The following KLF6 variants were observed in gnomAD, a reference collection of about 807,000 sequenced individuals.
KLF6 encodes the protein KLF transcription factor 6, also known as Krueppel-like factor 6.
For missense variants in KLF6, 233 were observed against 359.8 expected (o/e 0.65, Z 2.85); for synonymous variants, 152 against 147.9 (o/e 1.03, Z -0.20).
intron 1 of KLF6, 43 bp downstream of exon 1, chr10:3,784,870 C>G (rs1832614636): frequency 2.5e-6 from 4 of 1,576,178 alleles, no homozygotes; most frequent in Admixed American, 1.8e-5. Context: ...CGACCCGGCC[C>G]GCGCCCCGGC....
In KLF6 at chr10:3,778,170, AT is replaced by A. The variant is rs1004233866; in HGVS notation, c.*1368del. 2 of 521,650 alleles carry A rather than the reference AT, an allele frequency of 3.8e-6. No homozygotes were observed. Among genetic ancestry groups the A allele is most frequent in the South Asian group, 1.5e-5 (1 of 65,072 alleles). The allele number at this position is 521,650 out of a possible 1,614,324, so 32.3% of individuals were successfully genotyped here. A position where few individuals can be genotyped will look rare whatever the true frequency, so the allele number is the denominator to read the frequency against. On this transcript the variant is annotated 3_prime_UTR_variant, in exon 4 of 4. Transcript: ENST00000497571. ...CTTTGTGAAGGAGGACCTTAAAGAG[AT>A]TTTTTTTCTGTATTATACGTTGATA...
rs1393089610 is a variant in KLF6, at chr10:3,776,520, C to T, written c.*3019G>A. On this transcript the variant is annotated 3_prime_UTR_variant, in exon 4 of 4. Coordinates refer to ENST00000497571, the MANE Select transcript of KLF6 (RefSeq NM_001300.6). ...GCAGGAGGAATCTGTTCCAACAACC[C>T]CCTTCCCCCAAAAAAAACAACCAGA... 1.9e-6 allele frequency: 1 copy of T among 528,366 alleles called. No homozygotes were observed. Among genetic ancestry groups the T allele is most frequent in the Non-Finnish European group, 3.7e-6 (1 of 272,944 alleles). The allele number at this position is 528,366 out of a possible 1,614,324, so 32.7% of individuals were successfully genotyped here.
rs558985686 is a variant in KLF6, at chr10:3,779,259, G to A, written c.*280C>T. The A allele has an allele frequency of 9.8e-6, 6 of 613,118 alleles. No individual in the cohort carries two copies. Among genetic ancestry groups the A allele is most frequent in the South Asian group, 9.1e-5 (6 of 65,864 alleles). 38.0% of individuals were successfully genotyped at this position (613,118 alleles called of 1,614,324 possible). ...CAACATACAATCAACCCAACCATTA[G>A]CATTCTCAGTGTGCATGCTCACGGC... On this transcript the variant is annotated 3_prime_UTR_variant, in exon 4 of 4. Transcript: ENST00000497571.
At position 3,778,963 on chromosome 10, in the gene KLF6, A is replaced by G. The variant is rs1214249122; in HGVS notation, c.*576T>C. ...GGGGAGAGAGGCTCTCCCTCCCCAC[A>G]CCACTCGCCACTCTGGGGTCCTGAG... is the stretch of plus-strand genomic sequence containing the variant. On this transcript the variant is annotated 3_prime_UTR_variant, in exon 4 of 4. Transcript: ENST00000497571. 1.9e-6 allele frequency: 1 copy of G among 534,142 alleles called. No homozygotes were observed. Among genetic ancestry groups the G allele is most frequent in the African/African-American group, 1.9e-5 (1 of 53,696 alleles). 33.1% of individuals were successfully genotyped at this position (534,142 alleles called of 1,614,324 possible).
At position 3,781,549 on chromosome 10, in the gene KLF6, T is replaced by A; in HGVS notation, c.676+92A>T. On this transcript the variant is annotated intron_variant, in intron 2 of 3. Transcript: ENST00000497571. The surrounding 1 kb of genome is among the most constrained non-coding windows in gnomAD (Gnocchi z 5.8). Reference sequence around the variant, plus strand: ...TGAGGATTTGTCTGCCCTGACCACATCCTGTGCAGCCAGGCCCGGCTCCCT... The same window carrying A: ...TGAGGATTTGTCTGCCCTGACCACAACCTGTGCAGCCAGGCCCGGCTCCCT... The A allele has an allele frequency of 3.8e-6, 6 of 1,570,776 alleles. No individual in the cohort carries two copies. Among genetic ancestry groups the A allele is most frequent in the Non-Finnish European group, 5.2e-6 (6 of 1,158,178 alleles).
In KLF6 at chr10:3,779,491, T is replaced by C. The variant is rs1261452569; in HGVS notation, c.*48A>G. 2.0e-6 allele frequency: 3 copies of C among 1,526,642 alleles called. No individual in the cohort carries two copies. The highest frequency in any genetic ancestry group is 1.7e-5 in the Admixed American group (1 of 59,888). The allele number at this position is 1,526,642 out of a possible 1,614,324, so 94.6% of individuals were successfully genotyped here. On this transcript the variant is annotated 3_prime_UTR_variant, in exon 4 of 4. Coordinates refer to ENST00000497571, the MANE Select transcript of KLF6 (RefSeq NM_001300.6). ...ACGCATCCCTCCTTCCACGGCCGGC[T>C]CTCAGCCTGGAAGCCTTTTAGCCTA...
At position 3,779,135 on chromosome 10, in the gene KLF6, A is replaced by C. The variant is rs7634; in HGVS notation, c.*404T>G. 1.9e-6 allele frequency: 1 copy of C among 538,524 alleles called. No homozygotes were observed. The highest frequency in any genetic ancestry group is 3.6e-6 in the Non-Finnish European group (1 of 279,310). 33.4% of individuals were successfully genotyped at this position (538,524 alleles called of 1,614,324 possible). A position where few individuals can be genotyped will look rare whatever the true frequency, so the allele number is the denominator to read the frequency against. ...CATCTCATCTCATGGTATACTCCTT[A>C]CACACAAAACATTCAAACTACTTTT... is the stretch of plus-strand genomic sequence containing the variant. On this transcript the variant is annotated 3_prime_UTR_variant, in exon 4 of 4. Transcript: ENST00000497571.
Position 3,776,566 on chromosome 10 carries a change from T to A in KLF6, c.*2973A>T, listed in dbSNP as rs1025005192. ...CCAGACTCAAGATGCTGATAAGAAT[T>A]CTTTTATGTTATTCCAATAAAAAAT... On this transcript the variant is annotated 3_prime_UTR_variant, in exon 4 of 4. Transcript: ENST00000497571. 1.5e-5 allele frequency: 8 copies of A among 524,850 alleles called. No individual in the cohort carries two copies. Among genetic ancestry groups the A allele is most frequent in the African/African-American group, 9.4e-5 (5 of 53,204 alleles). The allele number at this position is 524,850 out of a possible 1,614,324, so 32.5% of individuals were successfully genotyped here.
intron 1 of KLF6, among the ~76,000 whole-genome samples, chr10:3,783,987 T>C (rs965436997): frequency 1.3e-5 from 2 of 152,118 alleles, no homozygotes; most frequent in Non-Finnish European, 2.9e-5. Context: ...CGTGTGAAGG[T>C]TGCAACACCC....
chr10:3,785,116 C>G lies in KLF6; in HGVS notation c.-102G>C. 1 of 1,567,664 alleles carries G rather than the reference C, an allele frequency of 6.4e-7. No homozygotes were observed. Among genetic ancestry groups the G allele is most frequent in the Non-Finnish European group, 8.6e-7 (1 of 1,158,000 alleles). ...CCGGAGCGCAGGTGAAAGTTTCATG[C>G]AAACTCCAGGCTCGCAGAGACGCCC... On this transcript the variant is annotated 5_prime_UTR_variant, in exon 1 of 4. Transcript: ENST00000497571.
chr10:3,784,202 T>A (rs2131101525), intron 1 of KLF6, among the ~76,000 whole-genome samples: 1 of 152,276 alleles, frequency 6.6e-6, no homozygotes, highest in South Asian at 2.1e-4. Context: ...GGGGACCTGG[T>A]AAGTTTCTTA....
Position 3,781,241 on chromosome 10 carries a change from A to C in KLF6, c.676+400T>G. 1.9e-6 allele frequency: 1 copy of C among 533,886 alleles called. No homozygotes were observed. 33.1% of individuals were successfully genotyped at this position (533,886 alleles called of 1,614,324 possible). On this transcript the variant is annotated intron_variant, in intron 2 of 3. Coordinates refer to ENST00000497571, the MANE Select transcript of KLF6 (RefSeq NM_001300.6). This position sits in a 1 kb window ranked among gnomAD's most constrained non-coding sequence, Gnocchi z 5.8. ...CAAACCCACACACTCCACGCTGCCC[A>C]GCAACCCTCTGTCCTGACCCTTGAG... is the stretch of plus-strand genomic sequence containing the variant.
rs533208915 is a variant in KLF6 at position 3,781,131 on chromosome 10, G to A, written c.676+510C>T. The A allele has an allele frequency of 1.3e-4, 28 of 223,096 alleles. No individual in the cohort carries two copies. Among genetic ancestry groups the A allele is most frequent in the South Asian group, 3.7e-4 (3 of 8,164 alleles). The allele number at this position is 223,096 out of a possible 1,614,324, so 13.8% of individuals were successfully genotyped here. A position where few individuals can be genotyped will look rare whatever the true frequency, so the allele number is the denominator to read the frequency against. ...CAGAAACAAAGGCTGCATGAGACAC[G>A]GAGAAGTTCTCAGGAAACACTCGCT... On this transcript the variant is annotated intron_variant, in intron 2 of 3. Transcript: ENST00000497571. The surrounding 1 kb of genome is among the most constrained non-coding windows in gnomAD (Gnocchi z 5.8).
chr10:3,776,433 T>A lies in KLF6; in HGVS notation c.*3106A>T, dbSNP rs1832377145. On this transcript the variant is annotated 3_prime_UTR_variant, in exon 4 of 4. Transcript: ENST00000497571. The stretch of plus-strand genomic sequence containing the variant: ...GGAAAGAGGAAGGGGCTGAGGTCGG[T>A]GAGTTGTTCTCAGGGTTGCTCAATG... 5.6e-6 allele frequency: 3 copies of A among 532,000 alleles called. No individual in the cohort carries two copies. Among genetic ancestry groups the A allele is most frequent in the Non-Finnish European group, 1.1e-5 (3 of 275,046 alleles). 33.0% of individuals were successfully genotyped at this position (532,000 alleles called of 1,614,324 possible). A position where few individuals can be genotyped will look rare whatever the true frequency, so the allele number is the denominator to read the frequency against.
rs1832621715 is a variant in KLF6, at chr10:3,785,089, C to A, written c.-75G>T. 1 of 1,599,794 alleles carries A rather than the reference C, an allele frequency of 6.3e-7. No homozygotes were observed. The highest frequency in any genetic ancestry group is 1.1e-5 in the South Asian group (1 of 89,992). ...CGGTGGGAGCCGGAGCCGAAAGTCT[C>A]CCCGGAGCGCAGGTGAAAGTTTCAT... On this transcript the variant is annotated 5_prime_UTR_variant, in exon 1 of 4. Transcript: ENST00000497571.
At position 3,776,248 on chromosome 10, in the gene KLF6, TC is replaced by T. The variant is rs1189266279; in HGVS notation, c.*3290del. On this transcript the variant is annotated 3_prime_UTR_variant, in exon 4 of 4. Coordinates refer to ENST00000497571, the MANE Select transcript of KLF6 (RefSeq NM_001300.6). ...TTGTGCAGGTGCCTCTGCAATGCAT[TC>T]CCTGGCTTGAGCAATGGAAGATCAA... is the stretch of plus-strand genomic sequence containing the variant. 3 of 526,076 alleles carry T rather than the reference TC, an allele frequency of 5.7e-6. No homozygotes were observed. Among genetic ancestry groups the T allele is most frequent in the Non-Finnish European group, 3.7e-6 (1 of 271,934 alleles). 32.6% of individuals were successfully genotyped at this position (526,076 alleles called of 1,614,324 possible). A position where few individuals can be genotyped will look rare whatever the true frequency, so the allele number is the denominator to read the frequency against.
At position 3,777,614 on chromosome 10, in the gene KLF6, A is replaced by G. The variant is rs1423283354; in HGVS notation, c.*1925T>C. Reference sequence around the variant, plus strand: ...TCCGCACATCGTTAAATTAAAGATAAAGCCTCTATAAAAGTTAGGTTATGG... The same window carrying G: ...TCCGCACATCGTTAAATTAAAGATAGAGCCTCTATAAAAGTTAGGTTATGG... On this transcript the variant is annotated 3_prime_UTR_variant, in exon 4 of 4. Coordinates refer to ENST00000497571, the MANE Select transcript of KLF6 (RefSeq NM_001300.6). The G allele has an allele frequency of 2.0e-6, 1 of 503,886 alleles. No individual in the cohort carries two copies. Among genetic ancestry groups the G allele is most frequent in the Non-Finnish European group, 3.9e-6 (1 of 257,212 alleles). 31.2% of individuals were successfully genotyped at this position (503,886 alleles called of 1,614,324 possible). A position where few individuals can be genotyped will look rare whatever the true frequency, so the allele number is the denominator to read the frequency against.
intron 1 of KLF6, among the ~76,000 whole-genome samples, chr10:3,783,503 T>C (rs377408745): frequency 6.6e-6 from 1 of 152,070 alleles, no homozygotes. Context: ...GACTTAGCAG[T>C]GTGCCTCTCT....
In KLF6 at chr10:3,782,657, T is replaced by TCC; in HGVS notation, c.103-445_103-444dup. Among the ~76,000 whole-genome samples the TCC allele has an allele frequency of 6.6e-6, 1 of 152,204 alleles. No individual in the cohort carries two copies. The highest frequency in any genetic ancestry group is 2.1e-4 in the South Asian group (1 of 4,822). Reference sequence around the variant, plus strand: ...AGCCCCAGCCATCCACCCTTCACACTCCACAGATACCCACACAGGACAGAA... The same window carrying TCC: ...AGCCCCAGCCATCCACCCTTCACACTCCCCACAGATACCCACACAGGACAGAA... On this transcript the variant is annotated intron_variant, in intron 1 of 3. Coordinates refer to ENST00000497571, the MANE Select transcript of KLF6 (RefSeq NM_001300.6). The surrounding 1 kb of genome is among the most constrained non-coding windows in gnomAD (Gnocchi z 4.3).
Sources: allele counts gnomAD v4.1 joint callset (sites outside exome capture counted in the v4.1 genomes callset), GRCh38; gene constraint gnomAD v4.1.1; non-coding constraint Gnocchi (gnomAD v3.1); transcripts MANE v1.5; gene names NCBI Gene and HGNC (gene_info 2026-07-23, HGNC 2026-07-21).